The following WRN variants were observed in gnomAD, a reference collection of about 807,000 sequenced individuals.
The protein encoded by WRN is WRN RecQ like helicase.
In WRN, 149 loss-of-function variants were observed where a neutral mutation model predicts 180.7. The ratio of observed to expected loss-of-function variants is 0.82; its 90% CI spans 0.72 to 0.94. The LOEUF (loss-of-function observed/expected upper bound fraction) is 0.94, where lower values mean the gene tolerates loss of function less well. Among genes scored for constraint, WRN ranks in the 40% least tolerant of loss-of-function variants. WRN has a pLI of 0.00. For synonymous variants in WRN, 548 were observed against 568.9 expected, an observed-to-expected ratio of 0.96 and a Z score of 0.52; for missense variants, 1,661 against 1,700.1, an observed-to-expected ratio of 0.98 and a Z score of 0.40.
intron 16 of WRN, 78 bp downstream of exon 16, chr8:31,091,976 C>A: frequency 7.7e-7 from 1 of 1,306,406 alleles, no homozygotes; most frequent in Non-Finnish European, 1.1e-6. Context: ...GGGTGAATTA[C>A]ATGTTGCTGA....
chr8:31,057,742 C>T (rs1585400741), intron 1 of WRN, among the ~76,000 whole-genome samples: 3 of 150,508 alleles, frequency 2.0e-5, no homozygotes, highest in East Asian at 3.9e-4. Flanking sequence ...CAAATATGTT[C>T]TGTTTTTTTT....
At chr8:31,047,242 A>T (rs1811903711) in intron 1 of WRN, among the ~76,000 whole-genome samples, 1 of 151,388 alleles carries the variant, frequency 6.6e-6, no homozygotes, top group Non-Finnish European at 1.5e-5. Context: ...CCCTGGGCTC[A>T]AGCGATCCTC....
chr8:31,072,436 A>G, intron 7 of WRN, among the ~76,000 whole-genome samples: 1 of 152,200 alleles, frequency 6.6e-6, no homozygotes, highest in East Asian at 1.9e-4. Flanking sequence ...AAGGTCCTAT[A>G]ACCATAGCAA....
At chr8:31,127,080 T>C (rs1801956682) in intron 23 of WRN, among the ~76,000 whole-genome samples, 1 of 152,188 alleles carries the variant, frequency 6.6e-6, no homozygotes, top group Admixed American at 6.5e-5. Flanking sequence ...GAATTCTATG[T>C]TAAAAATCTC....
At chr8:31,097,996 A>G (rs1222176705) in intron 17 of WRN, among the ~76,000 whole-genome samples, 3 of 152,218 alleles carry the variant, frequency 2.0e-5, no homozygotes, top group African/African-American at 7.2e-5. Context: ...TTACTTTCAT[A>G]TAACTGTAGG....
intron 7 of WRN, among the ~76,000 whole-genome samples, chr8:31,074,119 G>T (rs1396514333): frequency 6.6e-6 from 1 of 151,582 alleles, no homozygotes; most frequent in Admixed American, 6.6e-5. Flanking sequence ...TAGAGACGGG[G>T]TTTCACCATG....
chr8:31,064,801 AT>A (rs1812628246), intron 4 of WRN, 113 bp from the exon 5 acceptor site: 1 of 1,265,090 alleles, frequency 7.9e-7, no homozygotes, highest in African/African-American at 1.5e-5. Context: ...GTGTTTCTGA[AT>A]TTAAAATTAC....
At chr8:31,110,364 A>C (rs947948502) in intron 18 of WRN, among the ~76,000 whole-genome samples, 1 of 152,210 alleles carries the variant, frequency 6.6e-6, no homozygotes, top group Non-Finnish European at 1.5e-5. Flanking sequence ...CTTTTAAAAT[A>C]GTGTCACAAA....
intron 34 of WRN, among the ~76,000 whole-genome samples, chr8:31,170,007 G>A (rs921247975): frequency 6.6e-6 from 1 of 152,066 alleles, no homozygotes; most frequent in Non-Finnish European, 1.5e-5. Flanking sequence ...TGTCTTTCCA[G>A]TGTATGCCTG....
At chr8:31,061,527 A>T (rs1215755790) in intron 3 of WRN, among the ~76,000 whole-genome samples, 2 of 144,902 alleles carry the variant, frequency 1.4e-5, no homozygotes, top group East Asian at 2.0e-4. Flanking sequence ...ACAGCTGTTA[A>T]TTTTTTTTTT....
intron 3 of WRN, among the ~76,000 whole-genome samples, chr8:31,062,525 A>G (rs938295977): frequency 7.3e-5 from 11 of 150,974 alleles, no homozygotes; most frequent in African/African-American, 2.7e-4. Context: ...CTCCTGCCTC[A>G]GCCTCCTGAG....
In WRN at chr8:31,087,837, A is replaced by G; in HGVS notation, c.1493A>G (p.Glu498Gly). The change falls in exon 12 of 35, where the codon GAA becomes GGA. Residue 498 changes from glutamate (E) to glycine (G), a missense_variant. Transcript: ENST00000298139. ...EPTHSKCLKM[E>G]RNLGLPTKEE... is the part of the protein sequence containing the mutation. ...ACTCATTCTAAATGCTTAAAAATGGAAAGAAATCTGGGTCTTCCTACTAAA... is the reference window on the plus strand; with the variant it reads ...ACTCATTCTAAATGCTTAAAAATGGGAAGAAATCTGGGTCTTCCTACTAAA... 6.2e-7 allele frequency: 1 copy of G among 1,613,828 alleles called. No homozygotes were observed.
In WRN at chr8:31,066,909, A is replaced by G. The variant is rs546307009; in HGVS notation, c.505-124A>G. 9.5e-6 allele frequency: 11 copies of G among 1,153,692 alleles called. No individual in the cohort carries two copies. The East Asian group carries it at 1.5e-4, about 15-fold the overall frequency. 71.5% of individuals were successfully genotyped at this position (1,153,692 alleles called of 1,614,324 possible). A position where few individuals can be genotyped will look rare whatever the true frequency, so the allele number is the denominator to read the frequency against. The stretch of plus-strand genomic sequence containing the variant: ...AGTGACAGGGAATTTGTTGAAGGCT[A>G]TCTGTGGGTTGTATTTTGGTATAAC... On this transcript the variant is annotated intron_variant, in intron 5 of 34. Coordinates refer to ENST00000298139, the MANE Select transcript of WRN (RefSeq NM_000553.6).
At chr8:31,133,752 AT>A (rs1451381236) in intron 24 of WRN, among the ~76,000 whole-genome samples, 1 of 152,194 alleles carries the variant, frequency 6.6e-6, no homozygotes, top group African/African-American at 2.4e-5. Context: ...TATAACAAGA[AT>A]TTTAGTTGTA....
At chr8:31,066,614 A>G (rs753468200) in intron 5 of WRN, among the ~76,000 whole-genome samples, 1 of 150,488 alleles carries the variant, frequency 6.6e-6, no homozygotes, top group Non-Finnish European at 1.5e-5. Context: ...TTTTTTTTTT[A>G]AGGGAGAGCA....
chr8:31,142,605 T>C (rs1157433181), intron 26 of WRN, 21 bp from the exon 27 acceptor site: 1 of 1,552,074 alleles, frequency 6.4e-7, no homozygotes, highest in Admixed American at 1.8e-5. Flanking sequence ...TTTGAAATAA[T>C]TTAATTTTAT....
intron 8 of WRN, among the ~76,000 whole-genome samples, chr8:31,079,067 T>C (rs1813203784): frequency 6.6e-6 from 1 of 152,236 alleles, no homozygotes; most frequent in Admixed American, 6.5e-5. Flanking sequence ...TGGCTGTATA[T>C]AAAGCTAAAA....
intron 18 of WRN, among the ~76,000 whole-genome samples, chr8:31,105,785 C>G (rs1164398532): frequency 6.6e-6 from 1 of 152,164 alleles, no homozygotes; most frequent in Non-Finnish European, 1.5e-5. Context: ...CAAGTCTATA[C>G]TGAGGACTCC....
intron 31 of WRN, 41 bp downstream of exon 31, chr8:31,150,496 A>C (rs752445294): frequency 6.4e-7 from 1 of 1,572,520 alleles, no homozygotes; most frequent in South Asian, 1.1e-5. Context: ...GAGAATAAGC[A>C]TTTTTTGTAA....
Sources: allele counts gnomAD v4.1 joint callset (sites outside exome capture counted in the v4.1 genomes callset), GRCh38; gene constraint gnomAD v4.1.1; transcripts MANE v1.5; gene names NCBI Gene and HGNC (gene_info 2026-07-23, HGNC 2026-07-21).